RIMS1: variants seen among roughly 807,000 people sequenced by gnomAD.
RIMS1 encodes regulating synaptic membrane exocytosis 1.
A neutral mutation model predicts 214.1 loss-of-function variants in RIMS1; 83 were observed. That is an observed-to-expected ratio of 0.39 (90% CI 0.32 to 0.47). RIMS1 has a LOEUF of 0.47. RIMS1 is among the 20% of genes least tolerant of loss of function. The pLI, the probability that RIMS1 is intolerant of heterozygous loss-of-function variation, is 0.99. For missense variants in RIMS1, 2,050 were observed against 2,161.8 expected, an observed-to-expected ratio of 0.95 and a Z score of 1.03; for synonymous variants, 793 against 786.8, an observed-to-expected ratio of 1.01 and a Z score of -0.13.
chr6:72,191,656 A>G (rs888102648), intron 6 of RIMS1, among the ~76,000 whole-genome samples: 1 of 152,260 alleles, frequency 6.6e-6, no homozygotes. Context: ...GATGGGCCTT[A>G]TGGACAAGAA....
At chr6:72,166,450 T>G (rs1252534852) in intron 4 of RIMS1, among the ~76,000 whole-genome samples, 2 of 152,222 alleles carry the variant, frequency 1.3e-5, no homozygotes. Flanking sequence ...TTTGTAGGGA[T>G]ACTTTTCTCA....
At chr6:72,271,269 GAAAAA>G (rs1159251437) in intron 22 of RIMS1, among the ~76,000 whole-genome samples, 73 of 52,760 alleles carry the variant, frequency 1.4e-3, no homozygotes, top group African/African-American at 3.5e-3. Context: ...CCATCTCAAG[GAAAAA>G]AAAAAAAAAA....
intron 2 of RIMS1, among the ~76,000 whole-genome samples, chr6:71,991,500 T>C (rs2151606801): frequency 6.6e-6 from 1 of 152,308 alleles, no homozygotes; most frequent in African/African-American, 2.4e-5. Flanking sequence ...ATTCATTTAG[T>C]CATTGAACAC....
intron 2 of RIMS1, among the ~76,000 whole-genome samples, chr6:72,068,175 G>A (rs1829768523): frequency 6.6e-6 from 1 of 152,144 alleles, no homozygotes; most frequent in South Asian, 2.1e-4. Context: ...CCATGGTAAC[G>A]AGTATACTAG....
chr6:71,990,827 G>C (rs1279848082), intron 2 of RIMS1, among the ~76,000 whole-genome samples: 1 of 151,938 alleles, frequency 6.6e-6, no homozygotes, highest in Non-Finnish European at 1.5e-5. Flanking sequence ...GCCAGGTCAT[G>C]CAGGACATGG....
At chr6:72,386,893 C>T (rs944844519) in intron 29 of RIMS1, among the ~76,000 whole-genome samples, 3 of 151,874 alleles carry the variant, frequency 2.0e-5, no homozygotes, top group African/African-American at 7.3e-5. Flanking sequence ...GCCACCACAC[C>T]TGGCTAATTT....
chr6:72,053,578 C>T (rs1265492916), intron 2 of RIMS1, among the ~76,000 whole-genome samples: 4 of 152,130 alleles, frequency 2.6e-5, no homozygotes, highest in Non-Finnish European at 4.4e-5. Context: ...AATTCATGGA[C>T]TATACACATA....
intron 1 of RIMS1, among the ~76,000 whole-genome samples, chr6:71,946,379 A>T (rs1199522219): frequency 6.6e-6 from 1 of 152,200 alleles, no homozygotes; most frequent in African/African-American, 2.4e-5. Context: ...TAATTTGAAA[A>T]TTTACCACAA....
intron 1 of RIMS1, among the ~76,000 whole-genome samples, chr6:71,962,412 T>C (rs1202397800): frequency 1.3e-5 from 2 of 152,146 alleles, no homozygotes; most frequent in East Asian, 1.9e-4. Context: ...GCCTTATAAC[T>C]AGGAACCTAC....
At chr6:72,001,241 A>C (rs1489696915) in intron 2 of RIMS1, among the ~76,000 whole-genome samples, 3 of 152,070 alleles carry the variant, frequency 2.0e-5, no homozygotes, top group African/African-American at 7.2e-5. Context: ...CATTCTTATC[A>C]TGCTCTTCCA....
intron 2 of RIMS1, among the ~76,000 whole-genome samples, chr6:72,022,239 GCAGCCATTGA>G (rs1280352691): frequency 6.6e-6 from 1 of 152,174 alleles, no homozygotes; most frequent in Non-Finnish European, 1.5e-5. Context: ...ACTGTAACTT[GCAGCCATTGA>G]CAGCAAAACG....
At chr6:71,911,237 T>C (rs1776807409) in intron 1 of RIMS1, among the ~76,000 whole-genome samples, 1 of 152,160 alleles carries the variant, frequency 6.6e-6, no homozygotes, top group African/African-American at 2.4e-5. Context: ...CCATGTGTCA[T>C]TGAACTCATT....
intron 6 of RIMS1, among the ~76,000 whole-genome samples, chr6:72,218,170 A>G (rs1304315582): frequency 6.9e-6 from 1 of 145,548 alleles, no homozygotes; most frequent in East Asian, 2.1e-4. Flanking sequence ...AGTAAGTTTG[A>G]GGTGTCCCAA....
chr6:72,337,915 A>T (rs1384561355), intron 29 of RIMS1, among the ~76,000 whole-genome samples: 201 of 151,036 alleles, frequency 1.3e-3, no homozygotes, highest in Non-Finnish European at 2.2e-3. Context: ...ACAAAGGATA[A>T]GAACTCATCG....
intron 29 of RIMS1, among the ~76,000 whole-genome samples, chr6:72,360,819 A>G (rs10943005): frequency 0.17 from 25,692 of 150,162 alleles, 2,686 homozygotes; most frequent in Non-Finnish European, 0.23. Context: ...CTTAATAAAT[A>G]TTTGACTAAA....
chr6:72,369,153 T>C (rs551726719), intron 29 of RIMS1, among the ~76,000 whole-genome samples: 2 of 150,834 alleles, frequency 1.3e-5, no homozygotes, highest in South Asian at 2.1e-4. Context: ...CAATATGCCA[T>C]CTCTATGAAA....
intron 26 of RIMS1, among the ~76,000 whole-genome samples, chr6:72,292,601 GAGAA>G (rs201223428): frequency 0.017 from 2,603 of 152,120 alleles, 68 homozygotes; most frequent in African/African-American, 0.059. Flanking sequence ...AACAAAGAAA[GAGAA>G]AGAGAGAGAG....
intron 26 of RIMS1, 40 bp downstream of exon 26, chr6:72,292,086 T>C (rs776431833): frequency 1.7e-5 from 22 of 1,297,746 alleles, no homozygotes; most frequent in Non-Finnish European, 2.2e-5. Flanking sequence ...AAATCTTGGA[T>C]TTGAGAACCT....
intron 29 of RIMS1, among the ~76,000 whole-genome samples, chr6:72,357,959 T>C (rs1391153868): frequency 6.6e-6 from 1 of 152,218 alleles, no homozygotes; most frequent in Non-Finnish European, 1.5e-5. Context: ...ATGCTCAACG[T>C]CTTTACATTT....
Sources: gnomAD v4.1 joint callset for allele counts (sites outside exome capture counted in the v4.1 genomes callset) on GRCh38, gnomAD v4.1.1 for gene constraint, MANE v1.5 for transcripts, NCBI Gene and HGNC (gene_info 2026-07-23, HGNC 2026-07-21) for gene names.